The following PTPRN2 variants were observed in gnomAD, a reference collection of about 807,000 sequenced individuals.
PTPRN2 encodes the protein protein tyrosine phosphatase receptor type N2.
Under a neutral mutation model 118.8 loss-of-function variants are expected in PTPRN2, and 74 were observed. The ratio of observed to expected loss-of-function variants is 0.62; its 90% confidence interval spans 0.52 to 0.76. PTPRN2 has a LOEUF of 0.76. PTPRN2 is among the 30% of genes least tolerant of loss of function. PTPRN2 has a pLI of 0.00. For synonymous variants in PTPRN2, 641 were observed against 608.0 expected (o/e 1.05, Z -0.80); for missense variants, 1,481 against 1,394.4 (o/e 1.06, Z -0.99).
At chr7:157,581,646 T>A (rs1800387512) in intron 17 of PTPRN2, among the ~76,000 whole-genome samples, 1 of 152,244 alleles carries the variant, frequency 6.6e-6, no homozygotes, top group Admixed American at 6.5e-5. Flanking sequence ...AAGTGCAGAC[T>A]TCGGCTGTTA....
chr7:158,009,319 G>A (rs746558561), intron 11 of PTPRN2, among the ~76,000 whole-genome samples: 23 of 152,100 alleles, frequency 1.5e-4, no homozygotes, highest in Non-Finnish European at 2.2e-4. Context: ...TTTATTAACC[G>A]TCACCACTCA....
At chr7:158,109,251 G>A (rs886686676) in intron 10 of PTPRN2, among the ~76,000 whole-genome samples, 4 of 150,628 alleles carry the variant, frequency 2.7e-5, no homozygotes, top group African/African-American at 9.8e-5. Flanking sequence ...AGGAGCCAGT[G>A]AGTGAATGAC....
At chr7:158,125,621 A>C (rs529852425) in intron 9 of PTPRN2, among the ~76,000 whole-genome samples, 1 of 152,310 alleles carries the variant, frequency 6.6e-6, no homozygotes, top group East Asian at 1.9e-4. Flanking sequence ...CCATCATGCT[A>C]CAGATATTCT....
At chr7:157,547,260 T>C (rs1798367751) in intron 22 of PTPRN2, among the ~76,000 whole-genome samples, 1 of 152,230 alleles carries the variant, frequency 6.6e-6, no homozygotes. Flanking sequence ...TGGCCTCCTC[T>C]GTCCAGTTCA....
chr7:157,909,387 G>T (rs1014597158), intron 11 of PTPRN2, among the ~76,000 whole-genome samples: 6 of 149,610 alleles, frequency 4.0e-5, no homozygotes, highest in East Asian at 1.9e-4. Flanking sequence ...TCTATACACT[G>T]GGGGGGGGAG....
At chr7:157,725,207 T>TC (rs1799466299) in intron 12 of PTPRN2, among the ~76,000 whole-genome samples, 4 of 132,032 alleles carry the variant, frequency 3.0e-5, no homozygotes, top group Admixed American at 1.5e-4. Context: ...CGCAGAGGAC[T>TC]GCGGCCAGAC....
intron 17 of PTPRN2, among the ~76,000 whole-genome samples, chr7:157,592,800 G>A (rs1459743970): frequency 6.7e-6 from 1 of 148,804 alleles, no homozygotes; most frequent in Admixed American, 6.7e-5. Context: ...TGTGGTCGTT[G>A]AGCGTGGATG....
chr7:158,134,154 G>C (rs1056392229), intron 8 of PTPRN2, 95 bp from the exon 9 acceptor site: 1 of 1,386,144 alleles, frequency 7.2e-7, no homozygotes, highest in East Asian at 2.3e-5. Flanking sequence ...TCACTGTGGG[G>C]ATGACATGGG....
At chr7:157,948,623 A>G (rs1800625473) in intron 11 of PTPRN2, among the ~76,000 whole-genome samples, 1 of 152,224 alleles carries the variant, frequency 6.6e-6, no homozygotes, top group Admixed American at 6.5e-5. Context: ...CTGTAAATGA[A>G]AAGGGATCAA....
intron 11 of PTPRN2, among the ~76,000 whole-genome samples, chr7:157,939,353 A>T (rs4716818): frequency 0.39 from 58,747 of 151,912 alleles, 13,585 homozygotes; most frequent in East Asian, 0.63. Flanking sequence ...GCTGTCCTGC[A>T]GGACAGCACA....
intron 2 of PTPRN2, among the ~76,000 whole-genome samples, chr7:158,425,270 G>A (rs111677558): frequency 2.0e-4 from 2 of 9,938 alleles, no homozygotes; most frequent in South Asian, 2.8e-3. Context: ...CGCGGGGTCC[G>A]AGACCAGCCT....
chr7:157,584,418 G>C (rs1336029333), intron 17 of PTPRN2, among the ~76,000 whole-genome samples: 1 of 152,154 alleles, frequency 6.6e-6, no homozygotes, highest in Non-Finnish European at 1.5e-5. Context: ...AGGCCGTTTG[G>C]ATATTTATGT....
At chr7:158,120,528 C>T (rs1394606762) in intron 9 of PTPRN2, among the ~76,000 whole-genome samples, 1 of 152,178 alleles carries the variant, frequency 6.6e-6, no homozygotes, top group East Asian at 1.9e-4. Context: ...TGCTGGATCC[C>T]TGGCAAAGCT....
At chr7:158,230,887 G>C (rs1447727353) in intron 3 of PTPRN2, among the ~76,000 whole-genome samples, 4 of 152,150 alleles carry the variant, frequency 2.6e-5, no homozygotes, top group Non-Finnish European at 5.9e-5. Context: ...ATGGCTGTAT[G>C]GATAAAGAAT....
At chr7:158,300,048 T>C (rs1433685599) in intron 3 of PTPRN2, among the ~76,000 whole-genome samples, 1 of 152,160 alleles carries the variant, frequency 6.6e-6, no homozygotes, top group Non-Finnish European at 1.5e-5. Context: ...GTCTGACAGT[T>C]GAAAATATTT....
chr7:157,961,044 A>T (rs1801497662), intron 11 of PTPRN2, among the ~76,000 whole-genome samples: 2 of 152,260 alleles, frequency 1.3e-5, no homozygotes, highest in Admixed American at 1.3e-4. Context: ...CAAAACAAAA[A>T]ACAAGCAAAA....
In PTPRN2 at chr7:157,776,858, C is replaced by A. The variant is rs1195193638; in HGVS notation, c.1789-93921G>T. ...TCTCTTCCTCCTCCCTCTCCTCCTC[C>A]TCCCTCTCCTCCTCCTCCCTCTCCT... On this transcript the variant is annotated intron_variant, in intron 12 of 22. Coordinates refer to ENST00000389418, the MANE Select transcript of PTPRN2 (RefSeq NM_002847.5). 4.6e-3 allele frequency among the ~76,000 whole-genome samples: 606 copies of A among 131,544 alleles called. 13 individuals are homozygous for A. The highest frequency in any genetic ancestry group is 0.018 in the African/African-American group (561 of 31,772). The allele number at this position is 131,544 out of a possible 152,430, so 86.3% of individuals were successfully genotyped here.
At chr7:158,010,740 T>TA (rs985724904) in intron 11 of PTPRN2, among the ~76,000 whole-genome samples, 2 of 151,962 alleles carry the variant, frequency 1.3e-5, no homozygotes, top group Non-Finnish European at 2.9e-5. Context: ...GTCTATTTTT[T>TA]AAAAAAGTAT....
chr7:157,615,656 TGAC>T lies in PTPRN2; in HGVS notation c.2344+5703_2344+5705del, dbSNP rs1281629079. On this transcript the variant is annotated intron_variant, in intron 15 of 22. Coordinates refer to ENST00000389418, the MANE Select transcript of PTPRN2 (RefSeq NM_002847.5). The surrounding 1 kb of genome is among the most constrained non-coding windows in gnomAD (Gnocchi z 4.3). ...GCGGAATGTGTTTTTATCAATGACT[TGAC>T]GACGTGAAAAACATGTTTATAAAAC... is the stretch of plus-strand genomic sequence containing the variant. 8.6e-6 allele frequency: 4 copies of T among 462,484 alleles called. No individual in the cohort carries two copies. The highest frequency in any genetic ancestry group is 1.4e-4 in the East Asian group (2 of 14,096). 28.6% of individuals were successfully genotyped at this position (462,484 alleles called of 1,614,324 possible). A position where few individuals can be genotyped will look rare whatever the true frequency, so the allele number is the denominator to read the frequency against.
Sources: allele counts gnomAD v4.1 joint callset (sites outside exome capture counted in the v4.1 genomes callset), GRCh38; gene constraint gnomAD v4.1.1; non-coding constraint Gnocchi (gnomAD v3.1); transcripts MANE v1.5; gene names NCBI Gene and HGNC (gene_info 2026-07-23, HGNC 2026-07-21).